The following ITCH variants were observed in gnomAD, a reference collection of about 807,000 sequenced individuals.
The protein encoded by ITCH is E3 ubiquitin-protein ligase Itchy homolog.
In ITCH, 28 loss-of-function variants were observed where a neutral mutation model predicts 126.8. The observed-to-expected ratio is 0.22, with a 90% CI of 0.16 to 0.30. ITCH has a LOEUF of 0.30. Among genes scored for constraint, ITCH ranks in the 10% least tolerant of loss-of-function variants. The probability of loss-of-function intolerance (pLI) is 1.00; values close to 1 mark genes in which losing one functional copy is unlikely to be tolerated. For synonymous variants in ITCH, 342 were observed against 340.0 expected, an observed-to-expected ratio of 1.01 and a Z score of -0.06; for missense variants, 631 against 1,032.4, an observed-to-expected ratio of 0.61 and a Z score of 5.33.
intron 16 of ITCH, 98 bp downstream of exon 16, chr20:34,471,613 A>G: frequency 1.3e-6 from 1 of 785,862 alleles, no homozygotes; most frequent in South Asian, 1.4e-5. Flanking sequence ...GAACTTCTTG[A>G]GTTGAAGTCC....
intron 15 of ITCH, among the ~76,000 whole-genome samples, chr20:34,470,981 T>G (rs917610982): frequency 6.6e-6 from 1 of 152,244 alleles, no homozygotes; most frequent in African/African-American, 2.4e-5. Flanking sequence ...AGATGTTATA[T>G]TCAGTGTTTT....
At chr20:34,504,218 G>A in intron 23 of ITCH, 113 bp from the exon 24 acceptor site, 1 of 804,152 alleles carries the variant, frequency 1.2e-6, no homozygotes, top group Non-Finnish European at 2.2e-6. Context: ...TGTGGGGCCT[G>A]AGGATTTATG....
chr20:34,366,140 A>G (rs767502616), intron 1 of ITCH, among the ~76,000 whole-genome samples: 1 of 152,200 alleles, frequency 6.6e-6, no homozygotes, highest in Non-Finnish European at 1.5e-5. Context: ...GTGTAAATTC[A>G]GAGGATTATG....
At chr20:34,471,385 AT>A (rs1568978493) in intron 15 of ITCH, 58 bp from the exon 16 acceptor site, 5 of 985,958 alleles carry the variant, frequency 5.1e-6, no homozygotes, top group Non-Finnish European at 3.3e-6. Context: ...TCCCCTTTTG[AT>A]TTTTTTGATA....
At chr20:34,375,692 TAA>T (rs34550934) in intron 2 of ITCH, among the ~76,000 whole-genome samples, 14 of 143,414 alleles carry the variant, frequency 9.8e-5, no homozygotes, top group South Asian at 2.2e-4. Flanking sequence ...TATTGGTAGT[TAA>T]AATTTTTTTT....
At chr20:34,502,385 C>A (rs1315752762) in intron 23 of ITCH, among the ~76,000 whole-genome samples, 2 of 150,988 alleles carry the variant, frequency 1.3e-5, no homozygotes, top group Non-Finnish European at 2.9e-5. Flanking sequence ...CATAGTGATA[C>A]CCTGTGTCTT....
chr20:34,455,555 C>T (rs1034923107), intron 12 of ITCH, among the ~76,000 whole-genome samples: 1 of 151,722 alleles, frequency 6.6e-6, no homozygotes, highest in Non-Finnish European at 1.5e-5. Flanking sequence ...CTCTGCGTCC[C>T]GGGTTCAAGC....
chr20:34,422,250 A>T (rs1238700965), intron 6 of ITCH, among the ~76,000 whole-genome samples: 1 of 152,238 alleles, frequency 6.6e-6, no homozygotes, highest in Non-Finnish European at 1.5e-5. Context: ...AAAGTACATG[A>T]TAAAGCTAGG....
intron 6 of ITCH, among the ~76,000 whole-genome samples, chr20:34,417,587 A>C (rs1980094753): frequency 6.7e-6 from 1 of 149,526 alleles, no homozygotes; most frequent in African/African-American, 2.5e-5. Flanking sequence ...TTTAGTACAG[A>C]TGGGGTTTTA....
chr20:34,408,701 C>T lies in ITCH; in HGVS notation c.121C>T (p.Pro41Ser). ...ENKKNWFGPS[P>S]YVEVTVDGQS... ...TAAGAAGAATTGGTTTGGACCAAGT[C>T]CTTACGTAGAGGTCACAGTAGATGG... Residue 41 changes from proline (P) to serine (S), a missense_variant, in exon 4 of 25, where the codon CCT becomes TCT. Transcript: ENST00000374864. 1 of 1,613,812 alleles carries T rather than the reference C, an allele frequency of 6.2e-7. No individual in the cohort carries two copies. Among genetic ancestry groups the T allele is most frequent in the Non-Finnish European group, 8.5e-7 (1 of 1,179,794 alleles).
At chr20:34,393,951 G>A (rs1008146176) in intron 3 of ITCH, 70 bp downstream of exon 3, 46 of 1,425,708 alleles carry the variant, frequency 3.2e-5, no homozygotes, top group Non-Finnish European at 4.3e-5. Context: ...TCCTGAGAGG[G>A]CCAGGCATGG....
At chr20:34,464,085 C>T (rs1330263422) in intron 14 of ITCH, among the ~76,000 whole-genome samples, 9 of 151,834 alleles carry the variant, frequency 5.9e-5, no homozygotes, top group Admixed American at 5.9e-4. Flanking sequence ...CGCCATTCTC[C>T]TGCCTCAGCC....
intron 14 of ITCH, among the ~76,000 whole-genome samples, chr20:34,463,809 T>G (rs1181383121): frequency 2.6e-5 from 4 of 151,990 alleles, no homozygotes; most frequent in Admixed American, 2.6e-4. Flanking sequence ...TTTTTTTCTT[T>G]TGCGATTGAG....
At chr20:34,494,876 T>C (rs1047168617) in intron 23 of ITCH, among the ~76,000 whole-genome samples, 18 of 152,054 alleles carry the variant, frequency 1.2e-4, no homozygotes, top group Admixed American at 9.8e-4. Flanking sequence ...GGAGGATCAC[T>C]TGAGCCTTGG....
At chr20:34,380,832 G>A (rs1302588713) in intron 2 of ITCH, among the ~76,000 whole-genome samples, 1 of 151,944 alleles carries the variant, frequency 6.6e-6, no homozygotes, top group Non-Finnish European at 1.5e-5. Flanking sequence ...CTGTCACCCA[G>A]GCTGGAGTGC....
chr20:34,372,736 G>A (rs2037688740), intron 2 of ITCH, among the ~76,000 whole-genome samples: 2 of 152,066 alleles, frequency 1.3e-5, no homozygotes, highest in South Asian at 4.1e-4. Flanking sequence ...CGTAAGTATA[G>A]AAAGTTTAAG....
chr20:34,483,116 C>A (rs1988873238), intron 20 of ITCH, among the ~76,000 whole-genome samples: 1 of 145,444 alleles, frequency 6.9e-6, no homozygotes, highest in Admixed American at 6.8e-5. Context: ...TGGGCCCGGC[C>A]CATGAAACCA....
intron 15 of ITCH, 135 bp downstream of exon 15, chr20:34,470,255 T>C: frequency 1.3e-6 from 1 of 785,118 alleles, no homozygotes; most frequent in African/African-American, 1.7e-5. Context: ...TCATCTATTT[T>C]TAGAGCAAAT....
intron 16 of ITCH, 77 bp downstream of exon 16, chr20:34,471,592 T>C (rs1181109208): frequency 1.1e-6 from 1 of 903,684 alleles, no homozygotes; most frequent in Non-Finnish European, 1.8e-6. Flanking sequence ...CAGTTTAATC[T>C]GAATGGTTTG....
Sources: allele counts gnomAD v4.1 joint callset (sites outside exome capture counted in the v4.1 genomes callset), GRCh38; gene constraint gnomAD v4.1.1; transcripts MANE v1.5; gene names NCBI Gene and HGNC (gene_info 2026-07-23, HGNC 2026-07-21).